VPS13D: variants seen among roughly 807,000 people sequenced by gnomAD.
VPS13D encodes vacuolar protein sorting 13 homolog D.
Under a neutral mutation model 461.9 loss-of-function variants are expected in VPS13D, and 187 were observed. That is an observed-to-expected ratio of 0.40 (90% confidence interval 0.36 to 0.46). The LOEUF is 0.46. Among genes scored for constraint, VPS13D ranks in the 20% least tolerant of loss-of-function variants. VPS13D has a pLI of 0.60. For synonymous variants in VPS13D, 1,951 were observed against 1,986.3 expected (o/e 0.98, Z 0.47); for missense variants, 4,711 against 5,364.9 (o/e 0.88, Z 3.81).
chr1:12,271,166 G>A (rs1026036012), intron 17 of VPS13D, 42 bp downstream of exon 17: 1 of 1,611,454 alleles, frequency 6.2e-7, no homozygotes, highest in African/African-American at 1.3e-5. Flanking sequence ...ATTGGGGAAG[G>A]GGCAGGAATT....
chr1:12,248,712 G>A (rs1167911010), intron 5 of VPS13D, among the ~76,000 whole-genome samples: 1 of 152,162 alleles, frequency 6.6e-6, no homozygotes, highest in Admixed American at 6.5e-5. Flanking sequence ...GAGGGGCTAG[G>A]GGAAATACAT....
intron 67 of VPS13D, among the ~76,000 whole-genome samples, chr1:12,476,693 A>G (rs142799001): frequency 4.6e-5 from 7 of 152,348 alleles, no homozygotes; most frequent in Admixed American, 3.9e-4. Flanking sequence ...GTGGTTCTCT[A>G]TAACACTATA....
At chr1:12,247,703 A>AT (rs778720883) in intron 5 of VPS13D, among the ~76,000 whole-genome samples, 10,754 of 131,298 alleles carry the variant, frequency 0.082, 578 homozygotes, top group South Asian at 0.1. Context: ...CTTTGCCACA[A>AT]TTTTTTTTTT....
intron 50 of VPS13D, 122 bp from the exon 51 acceptor site, chr1:12,362,598 T>A: frequency 1.0e-6 from 1 of 967,194 alleles, no homozygotes. Flanking sequence ...TTCAATATCC[T>A]CTGGGTGATA....
intron 51 of VPS13D, 29 bp downstream of exon 51, chr1:12,362,879 G>C: frequency 6.2e-7 from 1 of 1,613,594 alleles, no homozygotes; most frequent in South Asian, 1.1e-5. Flanking sequence ...AAGGATGAGA[G>C]TGCCTATTTA....
At chr1:12,427,944 C>T (rs1008921018) in intron 65 of VPS13D, among the ~76,000 whole-genome samples, 13 of 152,166 alleles carry the variant, frequency 8.5e-5, no homozygotes, top group Non-Finnish European at 1.9e-4. Context: ...TTGCACTGTT[C>T]ATTAACCATG....
chr1:12,404,150 T>TA (rs1018598068), intron 63 of VPS13D, among the ~76,000 whole-genome samples, 177 bp downstream of exon 63: 6 of 149,632 alleles, frequency 4.0e-5, no homozygotes, highest in African/African-American at 1.5e-4. Context: ...TTTATTGACT[T>TA]ACGTGTATTT....
intron 67 of VPS13D, among the ~76,000 whole-genome samples, chr1:12,467,113 G>A (rs972408726): frequency 3.3e-5 from 5 of 152,204 alleles, no homozygotes; most frequent in African/African-American, 1.2e-4. Flanking sequence ...CTGTGTTGAT[G>A]ACATTGGATG....
intron 60 of VPS13D, among the ~76,000 whole-genome samples, chr1:12,388,973 A>G (rs1220290314): frequency 6.6e-6 from 1 of 152,158 alleles, no homozygotes. Context: ...TCTTAGAGGG[A>G]CAGAACTAAA....
chr1:12,386,173 G>A lies in VPS13D; in HGVS notation c.11485-12G>A, dbSNP rs777743995. 1 of 1,602,532 alleles carries A rather than the reference G, an allele frequency of 6.2e-7. No individual in the cohort carries two copies. Among genetic ancestry groups the A allele is most frequent in the Non-Finnish European group, 8.5e-7 (1 of 1,175,348 alleles). ...AAAACAATCAGGGTGCCATATTTTG[G>A]TTTCCTTTCAGGTGCTTGTGAGGTT... On this transcript the variant is annotated splice_polypyrimidine_tract_variant and intron_variant, in intron 59 of 69. Coordinates refer to ENST00000620676, the MANE Select transcript of VPS13D (RefSeq NM_015378.4).
At chr1:12,456,811 GT>G (rs1357905412) in intron 66 of VPS13D, among the ~76,000 whole-genome samples, 1 of 152,070 alleles carries the variant, frequency 6.6e-6, no homozygotes, top group Non-Finnish European at 1.5e-5. Flanking sequence ...ATTCCTTTTC[GT>G]TCTCTGGCTT....
At chr1:12,369,363 C>A in intron 53 of VPS13D, 104 bp from the exon 54 acceptor site, 3 of 969,880 alleles carry the variant, frequency 3.1e-6, no homozygotes, top group Non-Finnish European at 3.2e-6. Context: ...GTGTAAGATT[C>A]ATTTAGGAAG....
chr1:12,373,640 T>A, intron 54 of VPS13D, 110 bp from the exon 55 acceptor site: 1 of 577,840 alleles, frequency 1.7e-6, no homozygotes, highest in Non-Finnish European at 2.4e-6. Flanking sequence ...ATTTTCTTTT[T>A]AATAAAAGTT....
chr1:12,329,414 A>G (rs1313585483), intron 36 of VPS13D, among the ~76,000 whole-genome samples: 3 of 152,100 alleles, frequency 2.0e-5, no homozygotes, highest in South Asian at 2.1e-4. Context: ...GGGTTTCACC[A>G]TGTTGGCCAG....
chr1:12,383,209 A>G lies in VPS13D; in HGVS notation c.11370+54A>G, dbSNP rs184664434. 142 of 1,504,300 alleles carry G rather than the reference A, an allele frequency of 9.4e-5. 1 individual carries two copies. In the East Asian group the frequency reaches 1.8e-3, roughly 19 times the overall value. 93.2% of individuals were successfully genotyped at this position (1,504,300 alleles called of 1,614,324 possible). ...AAACTCTGTACTTCCTCCACCCCCAATGATTACTCATTTAACAAATACTTA... is the reference window on the plus strand; with the variant it reads ...AAACTCTGTACTTCCTCCACCCCCAGTGATTACTCATTTAACAAATACTTA... On this transcript the variant is annotated intron_variant, in intron 58 of 69. Coordinates refer to ENST00000620676, the MANE Select transcript of VPS13D (RefSeq NM_015378.4).
At position 12,473,910 on chromosome 1, in the gene VPS13D, TTGTG is replaced by T. The variant is rs1196627227; in HGVS notation, c.12662+13519_12662+13522del. Among the ~76,000 whole-genome samples the T allele has an allele frequency of 6.6e-6, 1 of 152,132 alleles. No individual in the cohort carries two copies. The highest frequency in any genetic ancestry group is 1.5e-5 in the Non-Finnish European group (1 of 68,010). On this transcript the variant is annotated intron_variant, in intron 67 of 69. Transcript: ENST00000620676. This position sits in a 1 kb window ranked among gnomAD's most constrained non-coding sequence, Gnocchi z 4.2. Reference sequence around the variant, plus strand: ...AGGGACTCTCCTGGGCTCTGAGCCTTTGTGTGTGGGAACCGCACTGGAAAAGGTG... The same window carrying T: ...AGGGACTCTCCTGGGCTCTGAGCCTTTGTGGGAACCGCACTGGAAAAGGTG...
chr1:12,496,327 T>C (rs1181421959), intron 67 of VPS13D, among the ~76,000 whole-genome samples: 1 of 152,254 alleles, frequency 6.6e-6, no homozygotes, highest in Non-Finnish European at 1.5e-5. Flanking sequence ...AACTGAGTGC[T>C]GACCTGGCTT....
intron 29 of VPS13D, 64 bp from the exon 30 acceptor site, chr1:12,314,051 T>TATACTTTTGTAAA: frequency 6.8e-7 from 1 of 1,462,960 alleles, no homozygotes; most frequent in Admixed American, 1.8e-5. Flanking sequence ...CTCGAACTTA[T>TATACTTTTGTAAA]ATACTTTTGT....
chr1:12,468,894 T>C (rs1645527549), intron 67 of VPS13D, among the ~76,000 whole-genome samples: 3 of 149,980 alleles, frequency 2.0e-5, no homozygotes, highest in Admixed American at 2.0e-4. Flanking sequence ...ATTACCCGGG[T>C]ATGGTGGCAC....
Sources: allele counts gnomAD v4.1 joint callset (sites outside exome capture counted in the v4.1 genomes callset), GRCh38; gene constraint gnomAD v4.1.1; non-coding constraint Gnocchi (gnomAD v3.1); transcripts MANE v1.5; gene names NCBI Gene and HGNC (gene_info 2026-07-23, HGNC 2026-07-21).